KIAA1217: variants seen among roughly 807,000 people sequenced by gnomAD.
KIAA1217 encodes sickle tail protein homolog.
A neutral mutation model predicts 163.9 loss-of-function variants in KIAA1217; 88 were observed. That is an observed-to-expected ratio of 0.54 (90% CI 0.45 to 0.64). KIAA1217 has a LOEUF of 0.64. Ranked by LOEUF, KIAA1217 falls within the 30% of genes least tolerant of loss-of-function variation. The pLI is 0.00. For synonymous variants in KIAA1217, 903 were observed against 923.1 expected (o/e 0.98, Z 0.39); for missense variants, 2,372 against 2,475.0 (o/e 0.96, Z 0.88).
At chr10:23,841,321 G>C (rs1057247888) in intron 1 of KIAA1217, among the ~76,000 whole-genome samples, 9 of 152,146 alleles carry the variant, frequency 5.9e-5, no homozygotes, top group African/African-American at 2.2e-4. Context: ...CCCTGAGATA[G>C]GAATGAATTT....
chr10:24,122,265 G>A (rs1389502759), intron 2 of KIAA1217, among the ~76,000 whole-genome samples: 2 of 151,676 alleles, frequency 1.3e-5, no homozygotes, highest in Non-Finnish European at 2.9e-5. Flanking sequence ...TTCTGTTTCT[G>A]TATTAATTCA....
In KIAA1217 at chr10:24,230,761, C is replaced by A. The variant is rs145083234; in HGVS notation, c.354+10852C>A. The stretch of plus-strand genomic sequence containing the variant: ...GCCCAGGCTGATCTTGAACTCCTGG[C>A]CTCAAGTGATCCACCCACCTTGGCC... On this transcript the variant is annotated intron_variant, in intron 2 of 20. Coordinates refer to ENST00000376454, the MANE Select transcript of KIAA1217 (RefSeq NM_019590.5). Among the ~76,000 whole-genome samples the A allele has an allele frequency of 5.3e-3, 808 of 152,084 alleles. 9 individuals carry two copies. Among genetic ancestry groups the A allele is most frequent in the African/African-American group, 0.019 (772 of 41,506 alleles).
At chr10:24,523,738 CAA>C (rs2071660271) in intron 12 of KIAA1217, among the ~76,000 whole-genome samples, 1 of 152,180 alleles carries the variant, frequency 6.6e-6, no homozygotes, top group African/African-American at 2.4e-5. Flanking sequence ...AACTGCTATT[CAA>C]ACACAGATCT....
chr10:23,788,962 AC>A (rs1040620882), intron 1 of KIAA1217, among the ~76,000 whole-genome samples: 1 of 152,204 alleles, frequency 6.6e-6, no homozygotes, highest in Non-Finnish European at 1.5e-5. Context: ...GTCAAAAGGG[AC>A]AATTTTTGAT....
At chr10:24,020,567 T>A (rs1226969772) in intron 2 of KIAA1217, among the ~76,000 whole-genome samples, 2 of 151,888 alleles carry the variant, frequency 1.3e-5, no homozygotes, top group Non-Finnish European at 2.9e-5. Context: ...AAAGTGCAAG[T>A]CAAAGAAGAG....
At chr10:24,405,976 T>C (rs955463933) in intron 3 of KIAA1217, among the ~76,000 whole-genome samples, 6 of 152,246 alleles carry the variant, frequency 3.9e-5, no homozygotes, top group Non-Finnish European at 7.3e-5. Flanking sequence ...ATCTCCAAAC[T>C]ATGGGCACAA....
At chr10:24,465,164 C>G (rs2062811793) in intron 5 of KIAA1217, among the ~76,000 whole-genome samples, 2 of 148,960 alleles carry the variant, frequency 1.3e-5, no homozygotes, top group South Asian at 4.7e-4. Flanking sequence ...GCCTCCCATA[C>G]TCTGGTGAGA....
chr10:24,355,264 G>T (rs902453526), intron 2 of KIAA1217, among the ~76,000 whole-genome samples: 3 of 152,208 alleles, frequency 2.0e-5, no homozygotes, highest in Non-Finnish European at 4.4e-5. Context: ...GCTAACATCT[G>T]TCACATTGTC....
intron 6 of KIAA1217, 55 bp from the exon 7 acceptor site, chr10:24,494,445 A>C: frequency 6.8e-7 from 1 of 1,465,742 alleles, no homozygotes; most frequent in Non-Finnish European, 9.5e-7. Context: ...ATTCACCCGG[A>C]CAAACTGGTT....
chr10:24,284,197 C>T (rs998105331), intron 2 of KIAA1217, among the ~76,000 whole-genome samples: 3 of 152,110 alleles, frequency 2.0e-5, no homozygotes, highest in South Asian at 4.1e-4. Context: ...TGTGAGCTAC[C>T]GTACCCAGCT....
intron 2 of KIAA1217, among the ~76,000 whole-genome samples, chr10:24,137,625 T>A (rs949795304): frequency 1.3e-5 from 2 of 152,236 alleles, no homozygotes; most frequent in African/African-American, 2.4e-5. Flanking sequence ...TAGAATCATA[T>A]TATTACATAA....
At chr10:23,808,969 T>A (rs1389473645) in intron 1 of KIAA1217, among the ~76,000 whole-genome samples, 1 of 152,082 alleles carries the variant, frequency 6.6e-6, no homozygotes, top group Non-Finnish European at 1.5e-5. Context: ...ATAATACACT[T>A]GGCATCTGCA....
At position 24,455,446 on chromosome 10, in the gene KIAA1217, T is replaced by G. The variant is rs547748974; in HGVS notation, c.846+16967T>G. 1.4e-3 allele frequency among the ~76,000 whole-genome samples: 214 copies of G among 152,370 alleles called. 1 individual carries two copies. Among genetic ancestry groups the G allele is most frequent in the African/African-American group, 5.0e-3 (206 of 41,588 alleles). On this transcript the variant is annotated intron_variant, in intron 5 of 20. Transcript: ENST00000376454. The stretch of plus-strand genomic sequence containing the variant: ...TCTTTGCTCTGCCAAAAATTAATTT[T>G]GCGCATTATTACAAGATAAATGTTT...
At chr10:24,371,105 G>A (rs2051583538) in intron 2 of KIAA1217, among the ~76,000 whole-genome samples, 2 of 152,124 alleles carry the variant, frequency 1.3e-5, no homozygotes, top group African/African-American at 4.8e-5. Context: ...CTGGCTTTGG[G>A]GAGGAGTCAG....
At chr10:24,314,210 A>G (rs1338111004) in intron 2 of KIAA1217, among the ~76,000 whole-genome samples, 18 of 152,300 alleles carry the variant, frequency 1.2e-4, no homozygotes, top group Non-Finnish European at 5.9e-5. Flanking sequence ...ACTCCTGTCC[A>G]ATGCCTACTG....
intron 1 of KIAA1217, among the ~76,000 whole-genome samples, chr10:23,896,257 A>C (rs904250994): frequency 6.6e-6 from 1 of 151,998 alleles, no homozygotes; most frequent in South Asian, 2.1e-4. Context: ...GTTTTTAATC[A>C]TCCACAGAAT....
chr10:23,728,501 T>G (rs984087898), intron 1 of KIAA1217, among the ~76,000 whole-genome samples: 1 of 139,250 alleles, frequency 7.2e-6, no homozygotes, highest in South Asian at 2.1e-4. Flanking sequence ...TGCCCACTTT[T>G]TGATGGTTTT....
chr10:24,255,883 C>G (rs1203688713), intron 2 of KIAA1217, among the ~76,000 whole-genome samples: 2 of 151,998 alleles, frequency 1.3e-5, no homozygotes, highest in African/African-American at 2.4e-5. Context: ...TGTACAAAGG[C>G]AGGAAGCATT....
intron 2 of KIAA1217, among the ~76,000 whole-genome samples, chr10:24,323,788 CGTGT>C (rs60528535): frequency 0.16 from 23,329 of 144,048 alleles, 2,193 homozygotes; most frequent in Non-Finnish European, 0.22. Context: ...GTTTTCTCTT[CGTGT>C]GTGTGTGTGT....
Sources: gnomAD v4.1 joint callset for allele counts (sites outside exome capture counted in the v4.1 genomes callset) on GRCh38, gnomAD v4.1.1 for gene constraint, MANE v1.5 for transcripts, NCBI Gene and HGNC (gene_info 2026-07-23, HGNC 2026-07-21) for gene names.